Variants in WNT5A observed in about 807,000 individuals in gnomAD.
WNT5A encodes protein Wnt-5a.
In WNT5A, 9 loss-of-function variants were observed where a neutral mutation model predicts 42.1. That is an observed-to-expected ratio of 0.21 (90% CI 0.13 to 0.37). WNT5A has a LOEUF of 0.37. Ranked by LOEUF, WNT5A falls within the 10% of genes least tolerant of loss-of-function variation. The probability of loss-of-function intolerance (pLI) is 1.00; values close to 1 mark genes in which losing one functional copy is unlikely to be tolerated. For synonymous variants in WNT5A, 210 were observed against 210.0 expected (o/e 1.00, Z 0.00); for missense variants, 426 against 534.0 (o/e 0.80, Z 1.99).
At chr3:55,489,605 G>C (rs1422976854), upstream of WNT5A, among the ~76,000 whole-genome samples, 1 of 152,126 alleles carries the variant, frequency 6.6e-6, no homozygotes, top group Non-Finnish European at 1.5e-5. Context: ...CCAAGTGCCA[G>C]AGACAGATGC....
At chr3:55,502,716 T>G in the WNT5A span, among the ~76,000 whole-genome samples, 1 of 152,238 alleles carries the variant, frequency 6.6e-6, no homozygotes, top group Non-Finnish European at 1.5e-5. Context: ...AGACAGGCAT[T>G]TTGTATTACA....
At chr3:55,484,534 T>C (rs2106986507) in intron 1 of WNT5A, among the ~76,000 whole-genome samples, 1 of 152,234 alleles carries the variant, frequency 6.6e-6, no homozygotes, top group Admixed American at 6.5e-5. Flanking sequence ...AGAATCAGTA[T>C]GACAAAAGAG....
chr3:55,504,004 G>T, the WNT5A span, among the ~76,000 whole-genome samples: 1 of 152,056 alleles, frequency 6.6e-6, no homozygotes, highest in African/African-American at 2.4e-5. Context: ...GGGCACGGTG[G>T]CTCACACCTG....
chr3:55,471,195 C>A (rs1007717613), intron 4 of WNT5A, among the ~76,000 whole-genome samples: 1 of 152,124 alleles, frequency 6.6e-6, no homozygotes, highest in Non-Finnish European at 1.5e-5. Flanking sequence ...CTCATGATCT[C>A]ATTTAACCAT....
chr3:55,494,363 G>T (rs773273340), upstream of WNT5A, among the ~76,000 whole-genome samples: 1 of 152,066 alleles, frequency 6.6e-6, no homozygotes, highest in Non-Finnish European at 1.5e-5. Flanking sequence ...TCCATTCTCC[G>T]GAAGGGAAAT....
chr3:55,470,671 G>T, intron 4 of WNT5A, 121 bp from the exon 5 acceptor site: 2 of 918,346 alleles, frequency 2.2e-6, no homozygotes, highest in Non-Finnish European at 3.1e-6. Flanking sequence ...ATTAAGGACT[G>T]TATTATATTT....
chr3:55,499,978 T>A, the WNT5A span, among the ~76,000 whole-genome samples: 23 of 62,416 alleles, frequency 3.7e-4, no homozygotes, highest in African/African-American at 1.8e-3. Context: ...CCATCCCCCC[T>A]CCAAAAAAAA....
rs1315407768 is a variant in WNT5A, at chr3:55,466,283, A to C, written c.*3809T>G. 6.6e-6 allele frequency: 1 copy of C among 152,202 alleles called. No individual in the cohort carries two copies. The highest frequency in any genetic ancestry group is 2.1e-4 in the South Asian group (1 of 4,826). 9.4% of individuals were successfully genotyped at this position (152,202 alleles called of 1,614,324 possible). On this transcript the variant is annotated 3_prime_UTR_variant, in exon 5 of 5. Coordinates refer to ENST00000264634, the MANE Select transcript of WNT5A (RefSeq NM_003392.7). Reference sequence around the variant, plus strand: ...CATTAAATACATGCTTCAAGTTATAACTACCTTTTCTATCTCTCTATATAT... The same window carrying C: ...CATTAAATACATGCTTCAAGTTATACCTACCTTTTCTATCTCTCTATATAT...
At chr3:55,492,220 G>T (rs975297855), upstream of WNT5A, among the ~76,000 whole-genome samples, 32 of 107,112 alleles carry the variant, frequency 3.0e-4, no homozygotes, top group Non-Finnish European at 5.7e-4. Context: ...CATAGTCAAT[G>T]GTGCTTTGTG....
At chr3:55,504,651 AC>A in the WNT5A span, among the ~76,000 whole-genome samples, 1 of 152,072 alleles carries the variant, frequency 6.6e-6, no homozygotes, top group African/African-American at 2.4e-5. Context: ...TTTAGTAGAG[AC>A]GGGGTTTCTC....
At chr3:55,488,586 A>G (rs1160600978), upstream of WNT5A, among the ~76,000 whole-genome samples, 3 of 151,898 alleles carry the variant, frequency 2.0e-5, no homozygotes, top group Non-Finnish European at 2.9e-5. Flanking sequence ...TTAAAGCCGT[A>G]CTACGGGCTG....
intron 3 of WNT5A, among the ~76,000 whole-genome samples, chr3:55,475,834 A>G (rs533147235): frequency 2.6e-5 from 4 of 152,178 alleles, no homozygotes; most frequent in Admixed American, 2.6e-4. Flanking sequence ...TCGCTTGTAC[A>G]TGGAGACATT....
the WNT5A span, among the ~76,000 whole-genome samples, chr3:55,504,065 A>C: frequency 1.3e-5 from 2 of 152,160 alleles, no homozygotes; most frequent in African/African-American, 2.4e-5. Context: ...TGAGGTCAGG[A>C]GTTCAAGACA....
At chr3:55,473,087 G>A (rs889375471) in intron 4 of WNT5A, among the ~76,000 whole-genome samples, 37 of 152,180 alleles carry the variant, frequency 2.4e-4, no homozygotes, top group Admixed American at 1.4e-3. Flanking sequence ...TCTAATTCCC[G>A]AACTGCTAGC....
intron 1 of WNT5A, among the ~76,000 whole-genome samples, chr3:55,484,651 C>T (rs1228714026): frequency 6.6e-6 from 1 of 151,328 alleles, no homozygotes; most frequent in Non-Finnish European, 1.5e-5. Context: ...GCCCCCTCGT[C>T]CATCCCTTAG....
At chr3:55,501,015 C>T in the WNT5A span, among the ~76,000 whole-genome samples, 14 of 152,144 alleles carry the variant, frequency 9.2e-5, no homozygotes, top group South Asian at 4.1e-4. Context: ...ACTCAATACC[C>T]GGATGAGATA....
chr3:55,483,700 G>A lies in WNT5A; in HGVS notation c.7-2782C>T, dbSNP rs1173705646. Among the ~76,000 whole-genome samples the A allele has an allele frequency of 1.3e-5, 2 of 152,196 alleles. No homozygotes were observed. The highest frequency in any genetic ancestry group is 2.4e-5 in the African/African-American group (1 of 41,462). ...CGCACCAGAGGAGTGAGGTGGAGGA[G>A]GGCGTTCCCGCGTCCTCCTCTTCAA... On this transcript the variant is annotated intron_variant, in intron 1 of 4. Transcript: ENST00000264634. The surrounding 1 kb of genome is among the most constrained non-coding windows in gnomAD (Gnocchi z 4.2).
the WNT5A span, among the ~76,000 whole-genome samples, chr3:55,504,108 C>A: frequency 1.3e-5 from 2 of 151,866 alleles, no homozygotes; most frequent in Non-Finnish European, 2.9e-5. Flanking sequence ...CCTGTCTCCA[C>A]TAAAAATACA....
At chr3:55,481,398 C>G in intron 1 of WNT5A, 1 of 985,010 alleles carries the variant, frequency 1.0e-6, no homozygotes, top group Non-Finnish European at 1.2e-6. Flanking sequence ...GCGAGTGGAG[C>G]GCGCTGCCGC....
Sources: allele counts gnomAD v4.1 joint callset (sites outside exome capture counted in the v4.1 genomes callset), GRCh38; gene constraint gnomAD v4.1.1; non-coding constraint Gnocchi (gnomAD v3.1); transcripts MANE v1.5; gene names NCBI Gene and HGNC (gene_info 2026-07-23, HGNC 2026-07-21).